Variants in TPRX2 observed in about 807,000 individuals in gnomAD.
TPRX2 encodes the protein tetrapeptide repeat homeobox protein 2.
At chr19:47,860,832 G>C in the TPRX2 span, 1 of 1,535,434 alleles carries the variant, frequency 6.5e-7, no homozygotes, top group South Asian at 1.2e-5. Flanking sequence ...CGCCAAACTA[G>C]CTCGGGAGCG....
chr19:47,860,871 C>T, the TPRX2 span: 1 of 1,534,392 alleles, frequency 6.5e-7, no homozygotes, highest in Non-Finnish European at 8.7e-7. Context: ...CCAGCGCGTC[C>T]CTGGGCAGAG....
At chr19:47,860,041 A>G in the TPRX2 span, 8 of 1,407,744 alleles carry the variant, frequency 5.7e-6, no homozygotes, top group Non-Finnish European at 6.8e-6. Flanking sequence ...GGCCTGGCGC[A>G]GGGGACGGGG....
chr19:47,860,709 G>A, the TPRX2 span: 19 of 1,404,390 alleles, frequency 1.4e-5, no homozygotes, highest in East Asian at 2.3e-4. Context: ...TGAACACCGG[G>A]AGAGTTTTGA....
chr19:47,861,368 G>A, the TPRX2 span: 1 of 477,890 alleles, frequency 2.1e-6, no homozygotes, highest in Admixed American at 2.3e-5. Context: ...CAGACACCCA[G>A]TTATACCCTG....
the TPRX2 span, chr19:47,861,468 G>A: frequency 5.7e-6 from 6 of 1,059,096 alleles, no homozygotes; most frequent in Non-Finnish European, 6.6e-6. Context: ...GGATGGCTTC[G>A]TGGACAAAAA....
the TPRX2 span, chr19:47,861,122 TATCCCAGGCCCAGCCCAG>T: frequency 1.0e-5 from 7 of 698,072 alleles, no homozygotes; most frequent in East Asian, 5.5e-5. Context: ...TCCCAGCCCC[TATCCCAGGCCCAGCCCAG>T]ATCCCAGGCC....
the TPRX2 span, among the ~76,000 whole-genome samples, chr19:47,859,301 G>C: frequency 1.3e-5 from 2 of 150,154 alleles, no homozygotes; most frequent in Non-Finnish European, 3.0e-5. Context: ...TGAGGGGCCT[G>C]GGCTGATCCT....
the TPRX2 span, chr19:47,860,679 T>C: frequency 1.0e-6 from 1 of 989,320 alleles, no homozygotes; most frequent in Non-Finnish European, 1.4e-6. Context: ...GGCCCTCATA[T>C]GGTGGGTGCG....
chr19:47,859,911 G>A, the TPRX2 span, among the ~76,000 whole-genome samples: 1 of 149,822 alleles, frequency 6.7e-6, no homozygotes, highest in Non-Finnish European at 1.5e-5. Context: ...GCCTTCCCAG[G>A]AGCTGTTATC....
At chr19:47,861,088 T>A in the TPRX2 span, 1 of 718,418 alleles carries the variant, frequency 1.4e-6, no homozygotes, top group Non-Finnish European at 2.5e-6. Context: ...CTCAAGGCTG[T>A]CCCGGCTCCA....
chr19:47,859,361 C>T, the TPRX2 span, among the ~76,000 whole-genome samples: 1 of 150,230 alleles, frequency 6.7e-6, no homozygotes, highest in Non-Finnish European at 1.5e-5. Flanking sequence ...AAGGGCTGGG[C>T]CTGTGCGGGC....
chr19:47,860,890 G>T, the TPRX2 span: 1 of 1,532,578 alleles, frequency 6.5e-7, no homozygotes, highest in Non-Finnish European at 8.7e-7. Flanking sequence ...AGAGGCCGAG[G>T]AGCCCGCGCT....
chr19:47,861,622 A>G, the TPRX2 span: 293 of 602,430 alleles, frequency 4.9e-4, no homozygotes, highest in Non-Finnish European at 7.2e-4. Context: ...ACCCTGCTGC[A>G]GGTGGACATT....
At chr19:47,861,080 C>T in the TPRX2 span, 13 of 725,500 alleles carry the variant, frequency 1.8e-5, no homozygotes, top group Non-Finnish European at 2.5e-5. Flanking sequence ...AGGAGGGCCT[C>T]AAGGCTGTCC....
At chr19:47,860,680 G>A in the TPRX2 span, 1 of 1,057,420 alleles carries the variant, frequency 9.5e-7, no homozygotes, top group South Asian at 1.6e-5. Flanking sequence ...GCCCTCATAT[G>A]GTGGGTGCGG....
the TPRX2 span, chr19:47,861,145 C>T: frequency 2.9e-6 from 2 of 694,074 alleles, no homozygotes; most frequent in East Asian, 2.7e-5. Flanking sequence ...GCCCAGATCC[C>T]AGGCCCAGTC....
chr19:47,861,389 G>A, the TPRX2 span: 1 of 503,784 alleles, frequency 2.0e-6, no homozygotes, highest in Non-Finnish European at 3.8e-6. Flanking sequence ...ACTTCACCAA[G>A]CTGCTCCCGC....
the TPRX2 span, chr19:47,861,487 T>A: frequency 8.0e-7 from 1 of 1,253,026 alleles, no homozygotes; most frequent in African/African-American, 1.5e-5. Flanking sequence ...AATCACTCAG[T>A]CCCCAGGTCA....
At chr19:47,860,707 G>A in the TPRX2 span, 15 of 1,301,654 alleles carry the variant, frequency 1.2e-5, no homozygotes, top group Middle Eastern at 2.9e-4. Flanking sequence ...GGTGAACACC[G>A]GGAGAGTTTT....
Sources: gnomAD v4.1 joint callset for allele counts (sites outside exome capture counted in the v4.1 genomes callset) on GRCh38, gnomAD v4.1.1 for gene constraint, MANE v1.5 for transcripts, NCBI Gene and HGNC (gene_info 2026-07-23, HGNC 2026-07-21) for gene names.